Variants in PHLDB2 observed in about 807,000 individuals in gnomAD.
PHLDB2 encodes the protein pleckstrin homology like domain family B member 2, also known as pleckstrin homology-like domain family B member 2.
In PHLDB2, 71 loss-of-function variants were observed where a neutral mutation model predicts 123.6. The observed-to-expected ratio is 0.57, with a 90% CI of 0.47 to 0.70. The LOEUF (loss-of-function observed/expected upper bound fraction) is 0.70. Among genes scored for constraint, PHLDB2 ranks in the 30% least tolerant of loss-of-function variants. PHLDB2 has a pLI of 0.00. For synonymous variants in PHLDB2, 547 were observed against 541.6 expected, an observed-to-expected ratio of 1.01 and a Z score of -0.14; for missense variants, 1,446 against 1,519.5, an observed-to-expected ratio of 0.95 and a Z score of 0.80.
intron 1 of PHLDB2, among the ~76,000 whole-genome samples, chr3:111,868,961 T>A (rs755836903): frequency 1.1e-4 from 16 of 152,190 alleles, no homozygotes; most frequent in Non-Finnish European, 1.3e-4. Context: ...CAAAACTTTT[T>A]AAAAAATCCC....
rs1018310623 is a variant in PHLDB2 at position 111,883,125 on chromosome 3, T to A, written c.-14-939T>A. ...TCCCTTTGCTGATAATCTAAGAAAA[T>A]TTTTTTTTATCAGGTAGAATTATAA... On this transcript the variant is annotated intron_variant, in intron 1 of 17. Coordinates refer to ENST00000431670, the MANE Select transcript of PHLDB2 (RefSeq NM_001134438.2). Among the ~76,000 whole-genome samples the A allele has an allele frequency of 2.0e-4, 31 of 151,904 alleles. 1 individual carries two copies. Among genetic ancestry groups the A allele is most frequent in the African/African-American group, 6.5e-4 (27 of 41,362 alleles).
chr3:111,806,303 C>T (rs983261843), intron 1 of PHLDB2, among the ~76,000 whole-genome samples: 1 of 152,108 alleles, frequency 6.6e-6, no homozygotes, highest in African/African-American at 2.4e-5. Context: ...AGAAAGTTCC[C>T]TCACACCTGT....
At chr3:111,806,310 C>T (rs2061585671) in intron 1 of PHLDB2, among the ~76,000 whole-genome samples, 2 of 152,200 alleles carry the variant, frequency 1.3e-5, no homozygotes, top group South Asian at 4.1e-4. Flanking sequence ...TCCCTCACAC[C>T]TGTGGCAGTC....
intron 1 of PHLDB2, among the ~76,000 whole-genome samples, chr3:111,758,673 C>T (rs955318043): frequency 5.3e-5 from 8 of 152,188 alleles, no homozygotes; most frequent in African/African-American, 1.9e-4. Flanking sequence ...GATGGAAATG[C>T]AGAAATCACC....
At chr3:111,967,946 G>A in intron 15 of PHLDB2, 122 bp downstream of exon 15, 1 of 407,910 alleles carries the variant, frequency 2.5e-6, no homozygotes, top group Non-Finnish European at 3.9e-6. Flanking sequence ...TGACATGTAA[G>A]GGTTAAGAGA....
intron 1 of PHLDB2, among the ~76,000 whole-genome samples, chr3:111,877,223 C>T (rs1476600633): frequency 4.6e-5 from 7 of 152,144 alleles, no homozygotes; most frequent in African/African-American, 1.4e-4. Context: ...ACATCCTCTC[C>T]AACATCTGTT....
chr3:111,866,239 G>A (rs1483701891), intron 1 of PHLDB2, among the ~76,000 whole-genome samples: 1 of 151,830 alleles, frequency 6.6e-6, no homozygotes, highest in Non-Finnish European at 1.5e-5. Context: ...GGTGGTCTCA[G>A]ACTCCTGACC....
At chr3:111,810,388 A>C (rs1396148504) in intron 1 of PHLDB2, among the ~76,000 whole-genome samples, 2 of 152,012 alleles carry the variant, frequency 1.3e-5, no homozygotes, top group Non-Finnish European at 2.9e-5. Context: ...TATTTCTCAC[A>C]ATTCTGGAAG....
chr3:111,847,879 G>C (rs1015778713), intron 2 of PHLDB2, among the ~76,000 whole-genome samples: 2 of 152,212 alleles, frequency 1.3e-5, no homozygotes, highest in African/African-American at 4.8e-5. Context: ...TAGGGGTTGA[G>C]GAGGACTTGA....
chr3:111,895,410 TAGA>T (rs1356373668), intron 2 of PHLDB2, among the ~76,000 whole-genome samples: 2 of 152,244 alleles, frequency 1.3e-5, no homozygotes, highest in African/African-American at 4.8e-5. Context: ...GTGTCAGTTA[TAGA>T]AGAAGTCTCA....
chr3:111,840,165 T>C (rs2063617033), intron 1 of PHLDB2, among the ~76,000 whole-genome samples: 2 of 151,808 alleles, frequency 1.3e-5, no homozygotes, highest in Admixed American at 1.3e-4. Context: ...GGCAGAAGAA[T>C]TGCTTGAGCC....
At chr3:111,785,447 T>C (rs2108142049) in intron 1 of PHLDB2, among the ~76,000 whole-genome samples, 1 of 152,310 alleles carries the variant, frequency 6.6e-6, no homozygotes, top group South Asian at 2.1e-4. Flanking sequence ...GTGACTTATA[T>C]CCTTGAAGGA....
intron 1 of PHLDB2, among the ~76,000 whole-genome samples, chr3:111,821,839 A>T (rs1275915099): frequency 6.6e-6 from 1 of 152,188 alleles, no homozygotes; most frequent in African/African-American, 2.4e-5. Context: ...GTAAAGTTCT[A>T]TTTGAACATG....
chr3:111,828,441 T>C (rs1433054878), intron 1 of PHLDB2, among the ~76,000 whole-genome samples: 3 of 152,224 alleles, frequency 2.0e-5, no homozygotes, highest in Non-Finnish European at 4.4e-5. Flanking sequence ...TATGAACACA[T>C]ATTGAATGAC....
chr3:111,789,372 A>G (rs2060818232), intron 1 of PHLDB2, among the ~76,000 whole-genome samples: 1 of 152,250 alleles, frequency 6.6e-6, no homozygotes, highest in Admixed American at 6.5e-5. Flanking sequence ...GGCACCACTC[A>G]TAGTTGGTTA....
chr3:111,797,911 C>T (rs181396311), intron 1 of PHLDB2, among the ~76,000 whole-genome samples: 2 of 152,244 alleles, frequency 1.3e-5, no homozygotes, highest in South Asian at 2.1e-4. Flanking sequence ...GTGGAAGGAT[C>T]GCTTGAGCCC....
intron 2 of PHLDB2, among the ~76,000 whole-genome samples, chr3:111,904,016 C>G (rs2067358361): frequency 6.6e-6 from 1 of 152,182 alleles, no homozygotes; most frequent in South Asian, 2.1e-4. Context: ...GTGGCCCACA[C>G]CTGTAATCCC....
At chr3:111,930,440 A>G (rs2069075808) in intron 5 of PHLDB2, among the ~76,000 whole-genome samples, 1 of 152,026 alleles carries the variant, frequency 6.6e-6, no homozygotes, top group South Asian at 2.1e-4. Context: ...TTAGCTTTCC[A>G]TTTGGAGGTA....
chr3:111,743,261 A>G (rs962404912), intron 1 of PHLDB2, among the ~76,000 whole-genome samples: 3 of 152,136 alleles, frequency 2.0e-5, no homozygotes, highest in Non-Finnish European at 2.9e-5. Context: ...ATAAGAGGAG[A>G]GTCTGGGGAG....
Sources: gnomAD v4.1 joint callset for allele counts (sites outside exome capture counted in the v4.1 genomes callset) on GRCh38, gnomAD v4.1.1 for gene constraint, MANE v1.5 for transcripts, NCBI Gene and HGNC (gene_info 2026-07-23, HGNC 2026-07-21) for gene names.